The following PRKN variants were observed in gnomAD, a reference collection of about 807,000 sequenced individuals.
PRKN encodes the protein E3 ubiquitin-protein ligase parkin.
PRKN carries 56 observed loss-of-function variants against 59.5 expected under a neutral mutation model. The ratio of observed to expected loss-of-function variants is 0.94; its 90% CI spans 0.76 to 1.18. PRKN has a LOEUF of 1.18. Among genes scored for constraint, PRKN ranks in the 50% most tolerant of loss-of-function variants. The probability of loss-of-function intolerance (pLI) is 0.00; values close to 1 mark genes in which losing one functional copy is unlikely to be tolerated. For missense variants in PRKN, 657 were observed against 596.4 expected (o/e 1.10, Z -1.06); for synonymous variants, 250 against 222.1 (o/e 1.13, Z -1.12).
intron 1 of PRKN, chr6:162,569,862 G>A (rs948720602): frequency 3.1e-5 from 11 of 356,258 alleles, no homozygotes; most frequent in South Asian, 1.4e-4. Flanking sequence ...GCCCACCCAC[G>A]GGGGAGTTTA....
In PRKN at chr6:162,505,479, C is replaced by T. The variant is rs1003169070; in HGVS notation, c.8-62006G>A. On this transcript the variant is annotated intron_variant, in intron 1 of 11. Transcript: ENST00000366898. Reference sequence around the variant, plus strand: ...GACCCCACTCAAGAGCTACTGAATCCGAAATGCTGGCAGTGGGACGCAGCA... The same window carrying T: ...GACCCCACTCAAGAGCTACTGAATCTGAAATGCTGGCAGTGGGACGCAGCA... 4.6e-5 allele frequency among the ~76,000 whole-genome samples: 7 copies of T among 152,068 alleles called. No individual in the cohort carries two copies. In the South Asian group the frequency reaches 6.2e-4, roughly 14 times the overall value.
At chr6:162,621,317 A>G (rs758638967) in intron 1 of PRKN, among the ~76,000 whole-genome samples, 1 of 151,948 alleles carries the variant, frequency 6.6e-6, no homozygotes, top group Non-Finnish European at 1.5e-5. Context: ...TGGAAATTGC[A>G]CTCCTGCTGC....
rs530486556 is a variant in PRKN at position 161,605,169 on chromosome 6, G to C, written c.872-35753C>G. On this transcript the variant is annotated intron_variant, in intron 7 of 11. Coordinates refer to ENST00000366898, the MANE Select transcript of PRKN (RefSeq NM_004562.3). ...TATTTCTGTGATGTAATTTTTCAAA[G>C]GATCTGTGTACCATCCACCCCTTTC... 3.9e-5 allele frequency among the ~76,000 whole-genome samples: 6 copies of C among 152,002 alleles called. No homozygotes were observed. The South Asian group carries it at 1.2e-3, about 32-fold the overall frequency.
chr6:162,305,453 C>T (rs1343647153), intron 2 of PRKN, among the ~76,000 whole-genome samples: 2 of 151,568 alleles, frequency 1.3e-5, no homozygotes, highest in African/African-American at 2.4e-5. Context: ...TGTTTCTGAT[C>T]TTTTCTCAAT....
intron 7 of PRKN, among the ~76,000 whole-genome samples, chr6:161,627,957 G>A (rs1783152560): frequency 6.6e-6 from 1 of 151,902 alleles, no homozygotes; most frequent in Non-Finnish European, 1.5e-5. Flanking sequence ...TTTTTGGCTT[G>A]TGGGTATTTG....
At chr6:161,506,799 T>C (rs482675) in intron 9 of PRKN, among the ~76,000 whole-genome samples, 121,271 of 152,148 alleles carry the variant, frequency 0.8, 48,598 homozygotes, top group Middle Eastern at 0.87. Context: ...GATATGGCTG[T>C]CCCAAAAAGC....
intron 2 of PRKN, among the ~76,000 whole-genome samples, chr6:162,413,313 A>G (rs1283720132): frequency 6.6e-6 from 1 of 152,160 alleles, no homozygotes; most frequent in Non-Finnish European, 1.5e-5. Context: ...TGCAAGAGTA[A>G]ATGATTTATG....
chr6:162,443,590 T>C, intron 1 of PRKN, 117 bp from the exon 2 acceptor site: 1 of 935,638 alleles, frequency 1.1e-6, no homozygotes, highest in Non-Finnish European at 1.7e-6. Context: ...GAATGGTATA[T>C]ATTTTCTTTC....
At chr6:162,612,161 C>A (rs1233857775) in intron 1 of PRKN, among the ~76,000 whole-genome samples, 6 of 140,854 alleles carry the variant, frequency 4.3e-5, no homozygotes, top group Admixed American at 3.0e-4. Context: ...CCACTGCACT[C>A]CAGCCTCGGA....
Position 161,402,495 on chromosome 6 carries a change from C to A in PRKN, c.1084-15618G>T, listed in dbSNP as rs530631913. ...CTCTACTAATAAATAGCTTTTTGGTCCCATAACATGAGAGACATTCTGGAA... is the reference window on the plus strand; with the variant it reads ...CTCTACTAATAAATAGCTTTTTGGTACCATAACATGAGAGACATTCTGGAA... On this transcript the variant is annotated intron_variant, in intron 9 of 11. Coordinates refer to ENST00000366898, the MANE Select transcript of PRKN (RefSeq NM_004562.3). The surrounding 1 kb of genome is among the most constrained non-coding windows in gnomAD (Gnocchi z 4.5). 6.6e-6 allele frequency among the ~76,000 whole-genome samples: 1 copy of A among 152,178 alleles called. No homozygotes were observed. The highest frequency in any genetic ancestry group is 6.5e-5 in the Admixed American group (1 of 15,278).
chr6:161,753,616 A>C (rs1053484704), intron 7 of PRKN, among the ~76,000 whole-genome samples: 2 of 152,126 alleles, frequency 1.3e-5, no homozygotes, highest in African/African-American at 2.4e-5. Flanking sequence ...AGGATGTAGG[A>C]GATGAAGCAG....
At chr6:161,848,294 A>G (rs1269688089) in intron 6 of PRKN, among the ~76,000 whole-genome samples, 2 of 152,116 alleles carry the variant, frequency 1.3e-5, no homozygotes, top group African/African-American at 4.8e-5. Flanking sequence ...TTAATTCCAC[A>G]TTTTCAATAA....
At chr6:162,192,178 A>G (rs1562570420) in intron 4 of PRKN, among the ~76,000 whole-genome samples, 2 of 152,136 alleles carry the variant, frequency 1.3e-5, no homozygotes, top group Non-Finnish European at 2.9e-5. Flanking sequence ...ATCCTGCACA[A>G]TGAATAAGAT....
chr6:162,149,850 C>T (rs1353162530), intron 4 of PRKN, among the ~76,000 whole-genome samples: 1 of 152,158 alleles, frequency 6.6e-6, no homozygotes, highest in Non-Finnish European at 1.5e-5. Context: ...GGAAATGATA[C>T]TGATGAAGCA....
In PRKN at chr6:162,537,622, C is replaced by G. The variant is rs959183951; in HGVS notation, c.8-94149G>C. On this transcript the variant is annotated intron_variant, in intron 1 of 11. Coordinates refer to ENST00000366898, the MANE Select transcript of PRKN (RefSeq NM_004562.3). ...GTCTCTGTACTTCTGTCTCCATGTT[C>G]CCCTTTCTGGGACCCTATATTGCAG... Among the ~76,000 whole-genome samples the G allele has an allele frequency of 1.1e-4, 17 of 152,272 alleles. No individual in the cohort carries two copies. In the South Asian group the frequency reaches 1.2e-3, roughly 11 times the overall value.
intron 2 of PRKN, among the ~76,000 whole-genome samples, chr6:162,339,976 AAGTAATC>A: frequency 6.8e-6 from 1 of 147,718 alleles, no homozygotes; most frequent in East Asian, 2.0e-4. Flanking sequence ...CCCTAATCTC[AAGTAATC>A]AGGGACACAA....
intron 6 of PRKN, among the ~76,000 whole-genome samples, chr6:161,905,331 G>A (rs75744512): frequency 3.4e-3 from 523 of 152,294 alleles, no homozygotes; most frequent in African/African-American, 4.7e-3. Flanking sequence ...GTCACCCCAG[G>A]AGGAATTTTC....
intron 4 of PRKN, among the ~76,000 whole-genome samples, chr6:162,098,950 T>C (rs1779856429): frequency 6.6e-6 from 1 of 152,144 alleles, no homozygotes; most frequent in Admixed American, 6.6e-5. Context: ...ATATACAAAA[T>C]CTGGAGTCCG....
intron 9 of PRKN, among the ~76,000 whole-genome samples, chr6:161,420,612 C>T (rs373414774): frequency 9.2e-5 from 14 of 151,980 alleles, no homozygotes; most frequent in African/African-American, 7.3e-5. Context: ...TTTCTGGGCT[C>T]GGTGATCCTC....
Sources: allele counts gnomAD v4.1 joint callset (sites outside exome capture counted in the v4.1 genomes callset), GRCh38; gene constraint gnomAD v4.1.1; non-coding constraint Gnocchi (gnomAD v3.1); transcripts MANE v1.5; gene names NCBI Gene and HGNC (gene_info 2026-07-23, HGNC 2026-07-21).